Variants in SLIT3 observed in about 807,000 individuals in gnomAD.
SLIT3 encodes the protein slit homolog 3 protein.
A neutral mutation model predicts 184.0 loss-of-function variants in SLIT3; 68 were observed. The observed-to-expected ratio is 0.37, with a 90% CI of 0.30 to 0.45. The LOEUF (loss-of-function observed/expected upper bound fraction) is 0.45. SLIT3 is among the 20% of genes least tolerant of loss of function. The probability of loss-of-function intolerance (pLI) is 1.00; values close to 1 mark genes in which losing one functional copy is unlikely to be tolerated. For synonymous variants in SLIT3, 831 were observed against 828.6 expected (o/e 1.00, Z -0.05); for missense variants, 1,707 against 2,026.0 (o/e 0.84, Z 3.02).
chr5:168,818,278 T>C (rs959694991), intron 7 of SLIT3, among the ~76,000 whole-genome samples: 3 of 152,184 alleles, frequency 2.0e-5, no homozygotes, highest in Non-Finnish European at 2.9e-5. Flanking sequence ...GTAGTTGTGG[T>C]TCCGGATGAA....
At position 168,967,003 on chromosome 5, in the gene SLIT3, G is replaced by A. The variant is rs144024582; in HGVS notation, c.414-83667C>T. Reference sequence around the variant, plus strand: ...AGCCCCCCAAAAATATATGTACAAGGATGTTCCCTGGAGCACTTTGGATGA... The same window carrying A: ...AGCCCCCCAAAAATATATGTACAAGAATGTTCCCTGGAGCACTTTGGATGA... On this transcript the variant is annotated intron_variant, in intron 4 of 35. Transcript: ENST00000519560. Among the ~76,000 whole-genome samples, 296 of 152,232 alleles carry A rather than the reference G, an allele frequency of 1.9e-3. 4 individuals are homozygous for A. Among genetic ancestry groups the A allele is most frequent in the Middle Eastern group, 6.8e-3 (2 of 294 alleles).
chr5:169,007,661 G>C (rs914973591), intron 4 of SLIT3, among the ~76,000 whole-genome samples: 6 of 152,190 alleles, frequency 3.9e-5, no homozygotes, highest in Admixed American at 1.3e-4. Context: ...TGCTCTGCTA[G>C]AGTTTTAACT....
At chr5:168,788,181 G>C (rs949723877) in intron 11 of SLIT3, among the ~76,000 whole-genome samples, 7 of 152,114 alleles carry the variant, frequency 4.6e-5, no homozygotes, top group African/African-American at 1.4e-4. Context: ...GCAGAGAAAG[G>C]TTCCTGGTGG....
chr5:169,002,322 CAAAAAAAAAA>C (rs397999882), intron 4 of SLIT3, among the ~76,000 whole-genome samples: 2,141 of 23,716 alleles, frequency 0.09, 3 homozygotes, highest in Middle Eastern at 0.17. Flanking sequence ...GACTCTGTCT[CAAAAAAAAAA>C]AAAAAAAAAA....
chr5:169,067,107 G>T (rs1442077007), intron 4 of SLIT3, among the ~76,000 whole-genome samples: 2 of 152,054 alleles, frequency 1.3e-5, no homozygotes, highest in African/African-American at 2.4e-5. Context: ...TCTTAAAAAG[G>T]TAAAGAATGA....
intron 4 of SLIT3, among the ~76,000 whole-genome samples, chr5:169,127,527 C>G (rs907293519): frequency 6.6e-6 from 1 of 152,154 alleles, no homozygotes; most frequent in Non-Finnish European, 1.5e-5. Context: ...AGAAGATAGT[C>G]AGCATTCAAG....
chr5:168,671,318 G>C lies in SLIT3; in HGVS notation c.4007C>G (p.Thr1336Ser), dbSNP rs767727806. 6.8e-6 allele frequency: 11 copies of C among 1,613,890 alleles called. No individual in the cohort carries two copies. The highest frequency in any genetic ancestry group is 8.5e-6 in the Non-Finnish European group (10 of 1,179,998). The change falls in exon 34 of 36, where the codon ACC becomes AGC. Residue 1336 changes from threonine to serine, a missense_variant. This residue lies in a region of SLIT3 where 387 missense variants were observed against 477.9 expected (regional missense o/e 0.81). Transcript: ENST00000519560. ...LGVSPGCKSC[T>S]VCKHGLCRSV... The stretch of plus-strand genomic sequence containing the variant: ...GCGGCACAGGCCGTGCTTGCACACG[G>C]TGCAGGACTTGCAGCCTGGTGACAC...
intron 4 of SLIT3, among the ~76,000 whole-genome samples, chr5:168,985,020 G>A (rs760883425): frequency 1.4e-4 from 22 of 152,252 alleles, no homozygotes; most frequent in Non-Finnish European, 2.5e-4. Flanking sequence ...ACAAGAAACC[G>A]GTAAGGGAGT....
At chr5:168,704,941 A>T (rs1762333974) in intron 26 of SLIT3, among the ~76,000 whole-genome samples, 1 of 152,174 alleles carries the variant, frequency 6.6e-6, no homozygotes, top group Non-Finnish European at 1.5e-5. Context: ...AGCACAGAGA[A>T]TTTGATGCAA....
chr5:169,125,616 C>T (rs1761050672), intron 4 of SLIT3, among the ~76,000 whole-genome samples: 1 of 152,146 alleles, frequency 6.6e-6, no homozygotes, highest in African/African-American at 2.4e-5. Context: ...GAGCCAGATG[C>T]CATTGTCAGA....
chr5:169,249,927 C>A (rs1765715942), intron 2 of SLIT3, among the ~76,000 whole-genome samples: 1 of 152,254 alleles, frequency 6.6e-6, no homozygotes, highest in Admixed American at 6.5e-5. Flanking sequence ...TCCCAGGATT[C>A]AGATTCCCCA....
chr5:169,193,581 AG>A, intron 3 of SLIT3, 31 bp from the exon 4 acceptor site: 1 of 1,548,178 alleles, frequency 6.5e-7, no homozygotes, highest in South Asian at 1.1e-5. Flanking sequence ...AAGGATGTCA[AG>A]GGGACATTAA....
At chr5:169,015,044 C>A (rs1427017399) in intron 4 of SLIT3, among the ~76,000 whole-genome samples, 1 of 151,858 alleles carries the variant, frequency 6.6e-6, no homozygotes, top group Admixed American at 6.6e-5. Context: ...AAAGCAAAAC[C>A]TTGTCATTGA....
At chr5:168,743,974 A>G (rs1276123027) in intron 20 of SLIT3, among the ~76,000 whole-genome samples, 1 of 152,176 alleles carries the variant, frequency 6.6e-6, no homozygotes, top group East Asian at 1.9e-4. Context: ...TGAAGCTAGC[A>G]ATAGTTGGTT....
At chr5:169,027,392 G>T (rs1021501880) in intron 4 of SLIT3, among the ~76,000 whole-genome samples, 33 of 152,090 alleles carry the variant, frequency 2.2e-4, no homozygotes, top group African/African-American at 7.7e-4. Flanking sequence ...TAGCGTAAGT[G>T]TTTAAACAAG....
At chr5:169,032,594 GTTTCGTT>G (rs1438013858) in intron 4 of SLIT3, among the ~76,000 whole-genome samples, 3 of 122,466 alleles carry the variant, frequency 2.4e-5, no homozygotes, top group African/African-American at 9.9e-5. Flanking sequence ...CCATGTTTTA[GTTTCGTT>G]TTTTTTTTTT....
chr5:168,782,213 A>C (rs1439508939), intron 12 of SLIT3, among the ~76,000 whole-genome samples: 5 of 152,120 alleles, frequency 3.3e-5, no homozygotes, highest in Admixed American at 3.3e-4. Flanking sequence ...GAGTTGTCTT[A>C]ACTTATTCCA....
At chr5:169,278,130 G>C (rs1766877469) in intron 1 of SLIT3, among the ~76,000 whole-genome samples, 1 of 152,134 alleles carries the variant, frequency 6.6e-6, no homozygotes. Context: ...ACTTTTCCCT[G>C]ACTCCCCTGT....
intron 1 of SLIT3, among the ~76,000 whole-genome samples, chr5:169,281,819 T>G (rs772320603): frequency 2.0e-5 from 3 of 152,212 alleles, no homozygotes; most frequent in Admixed American, 6.5e-5. Flanking sequence ...CTTTATTAAT[T>G]TAAGCATACT....
Sources: gnomAD v4.1 joint callset for allele counts (sites outside exome capture counted in the v4.1 genomes callset) on GRCh38, gnomAD v4.1.1 for gene constraint, gnomAD v4.1.1 regional missense constraint, MANE v1.5 for transcripts, NCBI Gene and HGNC (gene_info 2026-07-23, HGNC 2026-07-21) for gene names.